Variants in RB1CC1 observed in about 807,000 individuals in gnomAD.
RB1CC1 encodes RB1 inducible coiled-coil 1, also known as RB1-inducible coiled-coil protein 1.
Under a neutral mutation model 177.5 loss-of-function variants are expected in RB1CC1, and 46 were observed. The ratio of observed to expected loss-of-function variants is 0.26; its 90% CI spans 0.20 to 0.33. The LOEUF (loss-of-function observed/expected upper bound fraction) is 0.33. RB1CC1 is among the 10% of genes least tolerant of loss of function. The pLI is 1.00. For missense variants in RB1CC1, 1,703 were observed against 1,816.3 expected, an observed-to-expected ratio of 0.94 and a Z score of 1.13; for synonymous variants, 666 against 613.6, an observed-to-expected ratio of 1.09 and a Z score of -1.26.
In RB1CC1 at chr8:52,630,604, ACT is replaced by A. The variant is rs1438313108; in HGVS notation, c.4441-78_4441-77del. The A allele has an allele frequency of 4.9e-6, 7 of 1,420,732 alleles. No homozygotes were observed. The African/African-American group carries it at 7.4e-5, about 15-fold the overall frequency. 88.0% of individuals were successfully genotyped at this position (1,420,732 alleles called of 1,614,324 possible). ...CATTCTTACTGCAAAAATTTCACCC[ACT>A]GTTATACACATTCAAGCCTGTGTCC... On this transcript the variant is annotated intron_variant, in intron 20 of 23. Coordinates refer to ENST00000025008, the MANE Select transcript of RB1CC1 (RefSeq NM_014781.5).
chr8:52,709,018 A>C (rs1856833712), intron 1 of RB1CC1, among the ~76,000 whole-genome samples: 1 of 151,574 alleles, frequency 6.6e-6, no homozygotes, highest in Non-Finnish European at 1.5e-5. Flanking sequence ...GACCAGCCTG[A>C]CCAACATGGA....
chr8:52,650,991 T>C (rs1850525404), intron 15 of RB1CC1, among the ~76,000 whole-genome samples: 1 of 152,204 alleles, frequency 6.6e-6, no homozygotes, highest in Non-Finnish European at 1.5e-5. Context: ...TCCATACTCA[T>C]TGCTACACTC....
chr8:52,695,381 C>T (rs1855299861), intron 1 of RB1CC1, among the ~76,000 whole-genome samples: 1 of 152,210 alleles, frequency 6.6e-6, no homozygotes, highest in Admixed American at 6.5e-5. Context: ...AAGGTCTGGC[C>T]TTTGCCCTTC....
chr8:52,625,995 T>A lies in RB1CC1; in HGVS notation c.4637-1208A>T, dbSNP rs529689751. On this transcript the variant is annotated intron_variant, in intron 22 of 23. Transcript: ENST00000025008. ...AATGAACCTGAAGAATACGATCACATGACAGAAACAGAAAAGCCCCTGGAC... is the reference window on the plus strand; with the variant it reads ...AATGAACCTGAAGAATACGATCACAAGACAGAAACAGAAAAGCCCCTGGAC... Among the ~76,000 whole-genome samples the A allele has an allele frequency of 5.9e-5, 9 of 152,282 alleles. No homozygotes were observed. The East Asian group carries it at 1.5e-3, about 26-fold the overall frequency.
At chr8:52,713,783 G>T (rs1857262638) in intron 1 of RB1CC1, among the ~76,000 whole-genome samples, 1 of 152,238 alleles carries the variant, frequency 6.6e-6, no homozygotes, top group East Asian at 1.9e-4. Flanking sequence ...GGCCGAGGAA[G>T]CCGCAGGCAG....
In RB1CC1 at chr8:52,683,906, C is replaced by T. The variant is rs2150595674; in HGVS notation, c.179G>A (p.Cys60Tyr). Residue 60 changes from cysteine to tyrosine, a missense_variant, in exon 4 of 24, where the codon TGT becomes TAT. This residue lies in a region of RB1CC1 where 118 missense variants were observed against 121.2 expected (regional missense o/e 0.97). Coordinates refer to ENST00000025008, the MANE Select transcript of RB1CC1 (RefSeq NM_014781.5). ...GECMAADRRV[C>Y]TYSAGTDTNP... Reference sequence around the variant, plus strand: ...ACCTACCGTCCCAGCACTGTAGGTACACACTCTTCGATCTGCAGCCATGCA... The same window carrying T: ...ACCTACCGTCCCAGCACTGTAGGTATACACTCTTCGATCTGCAGCCATGCA... 2.5e-6 allele frequency: 4 copies of T among 1,614,108 alleles called. No homozygotes were observed. In the East Asian group the frequency reaches 6.7e-5, roughly 27 times the overall value.
At chr8:52,658,579 G>GAAAAAAAAAA (rs67680393) in intron 13 of RB1CC1, among the ~76,000 whole-genome samples, 11 of 98,792 alleles carry the variant, frequency 1.1e-4, no homozygotes, top group Non-Finnish European at 1.4e-4. Context: ...TCCGTCTCAA[G>GAAAAAAAAAA]AAAAAAAAAA....
chr8:52,631,765 C>T (rs1002788040), intron 20 of RB1CC1, among the ~76,000 whole-genome samples: 23 of 152,132 alleles, frequency 1.5e-4, no homozygotes, highest in African/African-American at 2.9e-4. Flanking sequence ...TGAGGCACCC[C>T]GCTACACTCT....
intron 1 of RB1CC1, among the ~76,000 whole-genome samples, chr8:52,702,908 C>T (rs1856210631): frequency 6.6e-6 from 1 of 151,856 alleles, no homozygotes; most frequent in South Asian, 2.1e-4. Context: ...CAGGAAGTAA[C>T]TCTGTGACAT....
At chr8:52,681,132 C>T (rs1441793370) in intron 5 of RB1CC1, among the ~76,000 whole-genome samples, 3 of 151,806 alleles carry the variant, frequency 2.0e-5, no homozygotes, top group Non-Finnish European at 4.4e-5. Context: ...GCTGGGACTA[C>T]AGGCACATGC....
In RB1CC1 at chr8:52,674,691, C is replaced by A. The variant is rs549082310; in HGVS notation, c.573-417G>T. ...GCTGAGGCACAAGAATCGCTTGAAC[C>A]TGGGAGGCGGAGGCTGCAGTGAGCT... On this transcript the variant is annotated intron_variant, in intron 6 of 23. Coordinates refer to ENST00000025008, the MANE Select transcript of RB1CC1 (RefSeq NM_014781.5). Among the ~76,000 whole-genome samples, 5 of 151,322 alleles carry A rather than the reference C, an allele frequency of 3.3e-5. No individual in the cohort carries two copies. In the South Asian group the frequency reaches 1.1e-3, roughly 32 times the overall value.
In RB1CC1 at chr8:52,657,378, T is replaced by C. The variant is rs766097964; in HGVS notation, c.2451A>G (p.Glu817=). 5 of 1,614,082 alleles carry C rather than the reference T, an allele frequency of 3.1e-6. No homozygotes were observed. The highest frequency in any genetic ancestry group is 4.2e-6 in the Non-Finnish European group (5 of 1,180,014). The part of the protein sequence containing the change: ...DSHFSIQTIK[E]DLCHFRTFVQ... Reference sequence around the variant, plus strand: ...CAAATGTTCTAAAGTGGCAAAGGTCTTCCTTAATGGTTTGTATACTGAAGT... The same window carrying C: ...CAAATGTTCTAAAGTGGCAAAGGTCCTCCTTAATGGTTTGTATACTGAAGT... The change falls in exon 15 of 24, where the codon GAA becomes GAG. Residue 817 remains glutamate, a synonymous_variant. Transcript: ENST00000025008.
At chr8:52,675,490 C>T (rs1266225918) in intron 6 of RB1CC1, among the ~76,000 whole-genome samples, 2 of 152,066 alleles carry the variant, frequency 1.3e-5, no homozygotes, top group Non-Finnish European at 2.9e-5. Flanking sequence ...TTCAGGTTAA[C>T]TACAGCCCTT....
At chr8:52,659,739 T>A (rs112969896) in intron 12 of RB1CC1, among the ~76,000 whole-genome samples, 26 of 152,350 alleles carry the variant, frequency 1.7e-4, no homozygotes, top group East Asian at 7.7e-4. Flanking sequence ...GGCTCACGCC[T>A]GTAACCTGAA....
chr8:52,623,560 A>G lies in RB1CC1; in HGVS notation c.*222T>C. 1 of 542,902 alleles carries G rather than the reference A, an allele frequency of 1.8e-6. No individual in the cohort carries two copies. The highest frequency in any genetic ancestry group is 3.4e-6 in the Non-Finnish European group (1 of 294,640). The allele number at this position is 542,902 out of a possible 1,614,324, so 33.6% of individuals were successfully genotyped here. ...TTCTAGAGTTGTCTGGGTAAAAAAA[A>G]AAACCAAAAAACAAAAACCATTTTA... is the stretch of plus-strand genomic sequence containing the variant. On this transcript the variant is annotated 3_prime_UTR_variant, in exon 24 of 24. Coordinates refer to ENST00000025008, the MANE Select transcript of RB1CC1 (RefSeq NM_014781.5).
chr8:52,660,703 A>C, intron 11 of RB1CC1, 46 bp from the exon 12 acceptor site: 1 of 1,505,302 alleles, frequency 6.6e-7, no homozygotes, highest in Non-Finnish European at 9.0e-7. Context: ...GCTTTATTTA[A>C]GGCAAAAAAT....
chr8:52,675,510 G>T (rs995819658), intron 6 of RB1CC1, among the ~76,000 whole-genome samples: 3 of 151,908 alleles, frequency 2.0e-5, no homozygotes, highest in Non-Finnish European at 4.4e-5. Flanking sequence ...TTTAAAAAAA[G>T]AATCAATGTG....
intron 22 of RB1CC1, among the ~76,000 whole-genome samples, chr8:52,625,841 C>G (rs1007162268): frequency 1.3e-5 from 2 of 152,124 alleles, no homozygotes; most frequent in Non-Finnish European, 2.9e-5. Context: ...TTAAGTAGAA[C>G]TACCATAAGT....
chr8:52,636,138 T>C, intron 18 of RB1CC1, 69 bp from the exon 19 acceptor site: 1 of 1,484,702 alleles, frequency 6.7e-7, no homozygotes, highest in Non-Finnish European at 9.0e-7. Context: ...TTTTAGAAAT[T>C]AAAATATTAA....
Sources: allele counts gnomAD v4.1 joint callset (sites outside exome capture counted in the v4.1 genomes callset), GRCh38; gene constraint gnomAD v4.1.1; regional missense constraint gnomAD v4.1.1; transcripts MANE v1.5; gene names NCBI Gene and HGNC (gene_info 2026-07-23, HGNC 2026-07-21).